The following ARHGAP22 variants were observed in gnomAD, a reference collection of about 807,000 sequenced individuals.
ARHGAP22 encodes rho GTPase-activating protein 22.
In ARHGAP22, 48 loss-of-function variants were observed where a neutral mutation model predicts 59.1. The observed-to-expected ratio is 0.81, with a 90% confidence interval of 0.64 to 1.03. ARHGAP22 has a LOEUF of 1.03. Among genes scored for constraint, ARHGAP22 ranks in the 50% least tolerant of loss-of-function variants. The pLI, the probability that ARHGAP22 is intolerant of heterozygous loss-of-function variation, is 0.00. For missense variants in ARHGAP22, 1,015 were observed against 958.7 expected (o/e 1.06, Z -0.78); for synonymous variants, 445 against 416.4 (o/e 1.07, Z -0.84).
the ARHGAP22 span, among the ~76,000 whole-genome samples, chr10:48,432,002 A>T: frequency 2.6e-5 from 4 of 152,318 alleles, no homozygotes; most frequent in East Asian, 7.7e-4. Flanking sequence ...GTAACATAAG[A>T]TTCCAAATCT....
At chr10:48,645,630 T>G (rs1041348528) in intron 1 of ARHGAP22, among the ~76,000 whole-genome samples, 1 of 152,014 alleles carries the variant, frequency 6.6e-6, no homozygotes, top group Non-Finnish European at 1.5e-5. Context: ...CTCAACAAAC[T>G]AGGAGTAGAA....
intron 3 of ARHGAP22, among the ~76,000 whole-genome samples, chr10:48,501,483 A>C (rs577088077): frequency 6.6e-6 from 1 of 152,342 alleles, no homozygotes; most frequent in South Asian, 2.1e-4. Context: ...GTTGCAGCTG[A>C]AGGCATACAC....
chr10:48,450,536 G>GGCC lies in ARHGAP22; in HGVS notation c.1590_1592dup (p.Ala531dup). ...GGGCAGACGAGTCGCTGGCGCGGCA[G>GGCC]GCCGTGCAGCTGCTGAGTGAGCCCC... On this transcript the variant is annotated inframe_insertion, in exon 9 of 10. Coordinates refer to ENST00000249601, the MANE Select transcript of ARHGAP22 (RefSeq NM_021226.4). 6.6e-7 allele frequency: 1 copy of GGCC among 1,519,038 alleles called. No individual in the cohort carries two copies. The highest frequency in any genetic ancestry group is 8.8e-7 in the Non-Finnish European group (1 of 1,133,590). 94.1% of individuals were successfully genotyped at this position (1,519,038 alleles called of 1,614,324 possible).
At position 48,626,863 on chromosome 10, in the gene ARHGAP22, G is replaced by A. The variant is rs185438123; in HGVS notation, c.52+25371C>T. Among the ~76,000 whole-genome samples the A allele has an allele frequency of 1.5e-3, 231 of 152,322 alleles. 1 individual carries two copies. The highest frequency in any genetic ancestry group is 5.2e-3 in the African/African-American group (217 of 41,566). On this transcript the variant is annotated intron_variant, in intron 1 of 9. Transcript: ENST00000435790. ...AGGTTAAGGAGGTGACTGTGGGAGAGTGGGAACTGGCTGGGCATGGGGGTG... is the reference window on the plus strand; with the variant it reads ...AGGTTAAGGAGGTGACTGTGGGAGAATGGGAACTGGCTGGGCATGGGGGTG...
chr10:48,493,775 T>G, intron 3 of ARHGAP22: 2 of 707,616 alleles, frequency 2.8e-6, no homozygotes, highest in Non-Finnish European at 4.2e-6. Flanking sequence ...CATCCGCATC[T>G]GTGCCTGCCA....
At chr10:48,536,065 A>G (rs921453078) in intron 3 of ARHGAP22, among the ~76,000 whole-genome samples, 4 of 152,172 alleles carry the variant, frequency 2.6e-5, no homozygotes, top group Admixed American at 2.6e-4. Flanking sequence ...AAGCATAGAT[A>G]GATGTTGGGG....
intron 4 of ARHGAP22, among the ~76,000 whole-genome samples, chr10:48,469,168 C>T (rs1046499571): frequency 4.6e-5 from 7 of 152,192 alleles, no homozygotes; most frequent in African/African-American, 1.7e-4. Flanking sequence ...CTGCAGAGTG[C>T]CCTCCACCCC....
At chr10:48,542,822 T>C (rs1362899783) in intron 3 of ARHGAP22, among the ~76,000 whole-genome samples, 3 of 152,142 alleles carry the variant, frequency 2.0e-5, no homozygotes, top group African/African-American at 7.2e-5. Context: ...GGGTGGCCTG[T>C]CCACTGCAGG....
chr10:48,576,004 C>G (rs974156114), intron 2 of ARHGAP22, among the ~76,000 whole-genome samples: 2 of 152,220 alleles, frequency 1.3e-5, no homozygotes, highest in African/African-American at 4.8e-5. Flanking sequence ...CAACCCACAA[C>G]CTTCACTGAC....
chr10:48,611,701 C>T (rs936203938), intron 1 of ARHGAP22, among the ~76,000 whole-genome samples: 4 of 152,078 alleles, frequency 2.6e-5, no homozygotes, highest in African/African-American at 9.7e-5. Flanking sequence ...ATTGCTCACA[C>T]CTCTCACCAC....
chr10:48,566,483 G>A (rs1275165202), intron 2 of ARHGAP22, among the ~76,000 whole-genome samples: 2 of 152,206 alleles, frequency 1.3e-5, no homozygotes, highest in African/African-American at 4.8e-5. Flanking sequence ...AGATAATTGA[G>A]TTCTTGGTAA....
At chr10:48,466,338 C>T (rs1479867846) in intron 4 of ARHGAP22, among the ~76,000 whole-genome samples, 1 of 152,016 alleles carries the variant, frequency 6.6e-6, no homozygotes, top group African/African-American at 2.4e-5. Flanking sequence ...GATTGAAGGA[C>T]GCCTCCGGTC....
At chr10:48,644,318 A>G (rs923334276) in intron 1 of ARHGAP22, among the ~76,000 whole-genome samples, 3 of 152,250 alleles carry the variant, frequency 2.0e-5, no homozygotes, top group Non-Finnish European at 2.9e-5. Flanking sequence ...GAAACAGAGG[A>G]CTAATTAATT....
intron 1 of ARHGAP22, among the ~76,000 whole-genome samples, chr10:48,592,611 C>T (rs1026219304): frequency 2.6e-5 from 4 of 152,162 alleles, no homozygotes. Context: ...AGTCCTTGGC[C>T]CCCATGTCTG....
At chr10:48,555,373 GAGGAGTGTCACGA>G (rs6143892) in intron 3 of ARHGAP22, 77 bp downstream of exon 3, 215,645 of 1,310,970 alleles carry the variant, frequency 0.16, 17,772 homozygotes, top group Admixed American at 0.29. Context: ...GCTCCTGCGG[GAGGAGTGTCACGA>G]AGGTCTGCCC....
At chr10:48,526,307 G>C (rs1369142657) in intron 3 of ARHGAP22, among the ~76,000 whole-genome samples, 1 of 152,188 alleles carries the variant, frequency 6.6e-6, no homozygotes, top group Non-Finnish European at 1.5e-5. Context: ...AGATTAACAA[G>C]AGCAGGGCAG....
At chr10:48,469,766 T>G (rs2048057007) in intron 4 of ARHGAP22, among the ~76,000 whole-genome samples, 1 of 152,178 alleles carries the variant, frequency 6.6e-6, no homozygotes, top group East Asian at 1.9e-4. Context: ...GCTCCCTTCC[T>G]CTTCTCTCAG....
At chr10:48,609,244 A>G (rs1433189154), upstream of ARHGAP22, among the ~76,000 whole-genome samples, 3 of 152,176 alleles carry the variant, frequency 2.0e-5, no homozygotes, top group African/African-American at 7.2e-5. Flanking sequence ...CTCCACCTGA[A>G]TCTGTTCTCC....
rs74130293 is a variant in ARHGAP22, at chr10:48,491,527, A to G, written c.323-11763T>C. 5.8e-3 allele frequency among the ~76,000 whole-genome samples: 882 copies of G among 152,330 alleles called. 9 individuals are homozygous for G. The highest frequency in any genetic ancestry group is 0.019 in the African/African-American group (808 of 41,574). Reference sequence around the variant, plus strand: ...ATGTGTTTACATGACATGCTTATTCATAATGTTTCTGGTTGGCCCACCCCG... The same window carrying G: ...ATGTGTTTACATGACATGCTTATTCGTAATGTTTCTGGTTGGCCCACCCCG... On this transcript the variant is annotated intron_variant, in intron 3 of 9. Transcript: ENST00000249601.
Sources: allele counts gnomAD v4.1 joint callset (sites outside exome capture counted in the v4.1 genomes callset), GRCh38; gene constraint gnomAD v4.1.1; transcripts MANE v1.5; gene names NCBI Gene and HGNC (gene_info 2026-07-23, HGNC 2026-07-21).